RAD51B: variants seen among roughly 807,000 people sequenced by gnomAD.
RAD51B encodes RAD51 paralog B, also known as DNA repair protein RAD51 homolog 2.
In RAD51B, 38 loss-of-function variants were observed where a neutral mutation model predicts 42.2. That is an observed-to-expected ratio of 0.90 (90% CI 0.70 to 1.18). The LOEUF (loss-of-function observed/expected upper bound fraction) is 1.18. Ranked by LOEUF, RAD51B falls within the 50% of genes most tolerant of loss-of-function variation. RAD51B has a pLI of 0.00. For missense variants in RAD51B, 373 were observed against 400.7 expected (o/e 0.93, Z 0.59); for synonymous variants, 154 against 145.2 (o/e 1.06, Z -0.43).
At chr14:67,850,884 C>T (rs538859052) in intron 4 of RAD51B, among the ~76,000 whole-genome samples, 2 of 152,220 alleles carry the variant, frequency 1.3e-5, no homozygotes, top group African/African-American at 2.4e-5. Context: ...GCTCTTGACT[C>T]CTGGATCAGA....
intron 7 of RAD51B, among the ~76,000 whole-genome samples, chr14:68,277,942 C>T (rs1189162176): frequency 1.3e-5 from 2 of 152,164 alleles, no homozygotes; most frequent in Non-Finnish European, 1.5e-5. Flanking sequence ...AGGGTTTTGC[C>T]ATGTTGGCCA....
At chr14:68,601,266 T>A (rs77782064) in intron 10 of RAD51B, among the ~76,000 whole-genome samples, 3,792 of 151,896 alleles carry the variant, frequency 0.025, 153 homozygotes, top group African/African-American at 0.084. Context: ...TGGCAAGAGA[T>A]GGGTGATGTA....
downstream of RAD51B, among the ~76,000 whole-genome samples, chr14:68,481,891 ATCT>A (rs992729584): frequency 6.6e-6 from 1 of 152,230 alleles, no homozygotes; most frequent in African/African-American, 2.4e-5. Flanking sequence ...TAGTAGTTTG[ATCT>A]TCTACTCTGA....
At chr14:67,828,822 T>G (rs1413765466) in intron 3 of RAD51B, among the ~76,000 whole-genome samples, 3 of 152,142 alleles carry the variant, frequency 2.0e-5, no homozygotes, top group Non-Finnish European at 2.9e-5. Flanking sequence ...ATTTCTGAGT[T>G]CTTCTGTTCC....
chr14:67,925,209 T>G (rs149794788), intron 7 of RAD51B, among the ~76,000 whole-genome samples: 1 of 152,202 alleles, frequency 6.6e-6, no homozygotes, highest in Non-Finnish European at 1.5e-5. Context: ...GCTGCCTTCA[T>G]GGGCTGGCAT....
intron 10 of RAD51B, among the ~76,000 whole-genome samples, chr14:68,592,023 C>T (rs1890764864): frequency 6.6e-6 from 1 of 152,162 alleles, no homozygotes; most frequent in South Asian, 2.1e-4. Flanking sequence ...AGCTCACACT[C>T]CCTGTCCTCT....
At chr14:68,014,699 T>A (rs988474105) in intron 7 of RAD51B, among the ~76,000 whole-genome samples, 1 of 151,238 alleles carries the variant, frequency 6.6e-6, no homozygotes, top group Non-Finnish European at 1.5e-5. Flanking sequence ...TCAGTAAAAA[T>A]AAATAAATAA....
At chr14:68,189,663 T>TTTA (rs145037963) in intron 7 of RAD51B, among the ~76,000 whole-genome samples, 15 of 151,734 alleles carry the variant, frequency 9.9e-5, no homozygotes, top group Admixed American at 3.9e-4. Context: ...TTCCCTTAAA[T>TTTA]TTATTATTAT....
At chr14:68,679,231 G>A (rs1413686533) in intron 11 of RAD51B, among the ~76,000 whole-genome samples, 1 of 152,060 alleles carries the variant, frequency 6.6e-6, no homozygotes, top group African/African-American at 2.4e-5. Flanking sequence ...TTATGATCTA[G>A]GCTTTATCCT....
rs1208222316 is a variant in RAD51B at position 68,514,137 on chromosome 14, CCT to C, written c.1036+45890_1036+45891del. On this transcript the variant is annotated intron_variant, in intron 10 of 10. Coordinates refer to the RAD51B transcript ENST00000487270. ...TGGCAAGTCATTCAACGTCTCTGAG[CCT>C]CTGTTTTCTGATATGTAAAATGGGA... is the stretch of plus-strand genomic sequence containing the variant. 2.6e-5 allele frequency among the ~76,000 whole-genome samples: 4 copies of C among 152,214 alleles called. No homozygotes were observed. In the South Asian group the frequency reaches 6.2e-4, roughly 24 times the overall value.
intron 8 of RAD51B, among the ~76,000 whole-genome samples, chr14:68,371,056 GAAAA>G (rs869154803): frequency 1.5e-4 from 14 of 90,678 alleles, no homozygotes; most frequent in Non-Finnish European, 2.9e-4. Context: ...AAAAAAAAAA[GAAAA>G]AAAGAAAAGA....
intron 7 of RAD51B, among the ~76,000 whole-genome samples, chr14:68,278,801 C>G (rs1466651679): frequency 6.6e-6 from 1 of 152,160 alleles, no homozygotes; most frequent in Non-Finnish European, 1.5e-5. Flanking sequence ...CAGCAAAACC[C>G]ACAAGAAACC....
chr14:67,961,629 C>A (rs1374681726), intron 7 of RAD51B, among the ~76,000 whole-genome samples: 1 of 152,170 alleles, frequency 6.6e-6, no homozygotes, highest in Non-Finnish European at 1.5e-5. Context: ...CTGTGAGAAG[C>A]AAACATCTTG....
chr14:68,172,948 C>T (rs1008055906), intron 7 of RAD51B, among the ~76,000 whole-genome samples: 3 of 151,872 alleles, frequency 2.0e-5, no homozygotes, highest in African/African-American at 7.3e-5. Context: ...ACCTGGATTA[C>T]AGGGAGTTAG....
chr14:67,970,619 A>G (rs925800955), intron 7 of RAD51B, among the ~76,000 whole-genome samples: 2 of 152,038 alleles, frequency 1.3e-5, no homozygotes, highest in Non-Finnish European at 2.9e-5. Context: ...CTTTACTTGA[A>G]TTCTAACACT....
intron 2 of RAD51B, among the ~76,000 whole-genome samples, chr14:67,825,078 CAAAAAAAA>C (rs56227529): frequency 2.6e-4 from 13 of 50,550 alleles, no homozygotes; most frequent in Middle Eastern, 0.02. Flanking sequence ...ACTCTTGTCT[CAAAAAAAA>C]AAAAAAAAAA....
intron 7 of RAD51B, among the ~76,000 whole-genome samples, chr14:67,920,217 C>T (rs941293446): frequency 3.3e-4 from 50 of 152,158 alleles, no homozygotes; most frequent in African/African-American, 8.2e-4. Flanking sequence ...TCCCAAGATA[C>T]GTTTTCTGTA....
intron 7 of RAD51B, among the ~76,000 whole-genome samples, chr14:68,065,109 T>G (rs1188408757): frequency 6.6e-6 from 1 of 152,218 alleles, no homozygotes; most frequent in African/African-American, 2.4e-5. Context: ...AGAGGGGCTT[T>G]CGTTGGGGAA....
At chr14:68,233,681 G>A (rs1017320921) in intron 7 of RAD51B, among the ~76,000 whole-genome samples, 3 of 151,206 alleles carry the variant, frequency 2.0e-5, no homozygotes, top group African/African-American at 7.4e-5. Flanking sequence ...CTGCAAAGGA[G>A]AAGAGAAAAT....
Sources: allele counts gnomAD v4.1 joint callset (sites outside exome capture counted in the v4.1 genomes callset), GRCh38; gene constraint gnomAD v4.1.1; transcripts MANE v1.5; gene names NCBI Gene and HGNC (gene_info 2026-07-23, HGNC 2026-07-21).